PLN: variants seen among roughly 807,000 people sequenced by gnomAD.
The protein encoded by PLN is phospholamban, also known as cardiac phospholamban.
A neutral mutation model predicts 3.9 loss-of-function variants in PLN; 1 was observed. The ratio of observed to expected loss-of-function variants is 0.26; its 90% CI spans 0.09 to 1.23. PLN has a LOEUF of 1.23. PLN is among the 50% of genes most tolerant of loss of function. The pLI, the probability that PLN is intolerant of heterozygous loss-of-function variation, is 0.48. For synonymous variants in PLN, 21 were observed against 20.5 expected, an observed-to-expected ratio of 1.02 and a Z score of -0.07; for missense variants, 59 against 62.7, an observed-to-expected ratio of 0.94 and a Z score of 0.20.
chr6:118,555,070 C>G (rs1342010438), intron 1 of PLN, among the ~76,000 whole-genome samples: 1 of 152,136 alleles, frequency 6.6e-6, no homozygotes, highest in African/African-American at 2.4e-5. Context: ...ACCATATGTT[C>G]AAATAGGAAT....
intron 1 of PLN, among the ~76,000 whole-genome samples, chr6:118,555,572 G>A (rs1778812557): frequency 6.6e-6 from 1 of 151,626 alleles, no homozygotes; most frequent in South Asian, 2.1e-4. Context: ...AAGAACAAAA[G>A]AAAATCTATT....
rs1779085650 is a variant in PLN, at chr6:118,559,210, A to G, written c.*130A>G. 6 of 792,854 alleles carry G rather than the reference A, an allele frequency of 7.6e-6. No individual in the cohort carries two copies. Among genetic ancestry groups the G allele is most frequent in the Non-Finnish European group, 1.2e-5 (5 of 434,530 alleles). 49.1% of individuals were successfully genotyped at this position (792,854 alleles called of 1,614,324 possible). A position where few individuals can be genotyped will look rare whatever the true frequency, so the allele number is the denominator to read the frequency against. ...AGAAGAGTTTCTTTGTGAAAAGGTC[A>G]AGATTAAGACTAAAACTTATTGTTA... On this transcript the variant is annotated 3_prime_UTR_variant, in exon 2 of 2. Transcript: ENST00000357525.
chr6:118,557,895 G>A (rs554711272), intron 1 of PLN, among the ~76,000 whole-genome samples: 19 of 151,374 alleles, frequency 1.3e-4, no homozygotes, highest in African/African-American at 3.4e-4. Flanking sequence ...ATGATTCCAT[G>A]TTTTTAATAG....
chr6:118,554,624 T>C (rs1219523446), intron 1 of PLN, among the ~76,000 whole-genome samples: 1 of 152,190 alleles, frequency 6.6e-6, no homozygotes, highest in East Asian at 1.9e-4. Flanking sequence ...AACATGTAAA[T>C]TGAAATTGTG....
rs552796643 is a variant in PLN at position 118,554,377 on chromosome 6, G to C, written c.-97-4448G>C. ...GCCCAAGCTGGTCTCGAACTCCTGG[G>C]CTCAAACATTCGTCCCGCCTAGGCC... is the stretch of plus-strand genomic sequence containing the variant. On this transcript the variant is annotated intron_variant, in intron 1 of 1. Transcript: ENST00000357525. Among the ~76,000 whole-genome samples the C allele has an allele frequency of 2.0e-5, 3 of 152,184 alleles. No individual in the cohort carries two copies. The South Asian group carries it at 6.2e-4, about 32-fold the overall frequency.
At chr6:118,551,440 T>TC (rs1778538888) in intron 1 of PLN, among the ~76,000 whole-genome samples, 1 of 151,770 alleles carries the variant, frequency 6.6e-6, no homozygotes, top group South Asian at 2.1e-4. Context: ...CATATTCTCT[T>TC]CCCCCAGAAA....
chr6:118,555,482 C>A (rs1778806994), intron 1 of PLN, among the ~76,000 whole-genome samples: 1 of 150,358 alleles, frequency 6.7e-6, no homozygotes, highest in Non-Finnish European at 1.5e-5. Flanking sequence ...CCATAATTTT[C>A]CAATCCACTA....
intron 1 of PLN, among the ~76,000 whole-genome samples, chr6:118,552,151 C>G (rs1159189244): frequency 1.3e-5 from 2 of 151,780 alleles, no homozygotes; most frequent in African/African-American, 2.4e-5. Context: ...TACTTGAATT[C>G]AATTTAATAA....
chr6:118,556,457 C>A (rs1778882434), intron 1 of PLN, among the ~76,000 whole-genome samples: 1 of 152,148 alleles, frequency 6.6e-6, no homozygotes, highest in Non-Finnish European at 1.5e-5. Flanking sequence ...CCAAGTTGAA[C>A]ACTACAGAAT....
At chr6:118,548,434 T>C (rs954585334) in intron 1 of PLN, 42 bp downstream of exon 1, 1 of 152,146 alleles carries the variant, frequency 6.6e-6, no homozygotes, top group Non-Finnish European at 1.5e-5. Context: ...TCTTACTTTC[T>C]ATAATTCTTA....
At chr6:118,555,127 A>G (rs1414552706) in intron 1 of PLN, among the ~76,000 whole-genome samples, 6 of 152,166 alleles carry the variant, frequency 3.9e-5, no homozygotes, top group Non-Finnish European at 5.9e-5. Context: ...TCTGCTACAC[A>G]TCTTCATAAA....
rs1207599027 is a variant in PLN, at chr6:118,558,843, G to C, written c.-79G>C. 3 of 961,756 alleles carry C rather than the reference G, an allele frequency of 3.1e-6. No homozygotes were observed. Among genetic ancestry groups the C allele is most frequent in the Admixed American group, 1.8e-5 (1 of 56,086 alleles). The allele number at this position is 961,756 out of a possible 1,614,324, so 59.6% of individuals were successfully genotyped here. ...ATTCCAGGCTACCTAAAAGAAGACA[G>C]TTATCTCATATTTGGCTGCCAGCTT... On this transcript the variant is annotated 5_prime_UTR_variant, in exon 2 of 2. Coordinates refer to ENST00000357525, the MANE Select transcript of PLN (RefSeq NM_002667.5).
At chr6:118,548,531 A>G (rs980738762) in intron 1 of PLN, 139 bp downstream of exon 1, 2 of 152,136 alleles carry the variant, frequency 1.3e-5, no homozygotes, top group African/African-American at 4.8e-5. Context: ...ATGACATGAC[A>G]AAGTGCTTAA....
At chr6:118,555,155 G>A (rs575111194) in intron 1 of PLN, among the ~76,000 whole-genome samples, 3 of 152,312 alleles carry the variant, frequency 2.0e-5, no homozygotes, top group African/African-American at 7.2e-5. Flanking sequence ...TACTCGGCCA[G>A]GTGCAGTGGC....
rs1470410352 is a variant in PLN at position 118,558,800 on chromosome 6, T to C, written c.-97-25T>C. 5.4e-6 allele frequency: 4 copies of C among 734,402 alleles called. No individual in the cohort carries two copies. In the Admixed American group the frequency reaches 8.1e-5, roughly 15 times the overall value. 45.5% of individuals were successfully genotyped at this position (734,402 alleles called of 1,614,324 possible). On this transcript the variant is annotated intron_variant, in intron 1 of 1. Transcript: ENST00000357525. ...GGATAGGTTACATAGATGATTCTAA[T>C]CCATTTATTATTTTTACATTCCAGG... is the stretch of plus-strand genomic sequence containing the variant.
chr6:118,559,324 T>C lies in PLN; in HGVS notation c.*244T>C, dbSNP rs1197501649. The C allele has an allele frequency of 2.1e-6, 1 of 486,346 alleles. No individual in the cohort carries two copies. The highest frequency in any genetic ancestry group is 3.9e-6 in the Non-Finnish European group (1 of 258,310). 30.1% of individuals were successfully genotyped at this position (486,346 alleles called of 1,614,324 possible). A position where few individuals can be genotyped will look rare whatever the true frequency, so the allele number is the denominator to read the frequency against. ...TCAAAATAAGTGTATAAAATGCAAC[T>C]GTTGATTTCCTCAACATGGCTCACA... On this transcript the variant is annotated 3_prime_UTR_variant, in exon 2 of 2. Coordinates refer to ENST00000357525, the MANE Select transcript of PLN (RefSeq NM_002667.5).
Position 118,561,558 on chromosome 6 carries a change from T to C in PLN, c.*2478T>C, listed in dbSNP as rs895644182. ...ATTTAATATACTAAATGCTCAAATA[T>C]GTTCTACTATAGAATAAGTTCTTAT... On this transcript the variant is annotated 3_prime_UTR_variant, in exon 2 of 2. Coordinates refer to ENST00000357525, the MANE Select transcript of PLN (RefSeq NM_002667.5). 6.6e-6 allele frequency among the ~76,000 whole-genome samples: 1 copy of C among 152,110 alleles called. No individual in the cohort carries two copies. Among genetic ancestry groups the C allele is most frequent in the African/African-American group, 2.4e-5 (1 of 41,448 alleles).
At chr6:118,555,063 A>G (rs1194905534) in intron 1 of PLN, among the ~76,000 whole-genome samples, 4 of 152,184 alleles carry the variant, frequency 2.6e-5, no homozygotes, top group Admixed American at 6.5e-5. Flanking sequence ...TCACAAAACC[A>G]TATGTTCAAA....
In PLN at chr6:118,559,319, G is replaced by T; in HGVS notation, c.*239G>T. 2.0e-6 allele frequency: 1 copy of T among 496,376 alleles called. No individual in the cohort carries two copies. The highest frequency in any genetic ancestry group is 1.9e-5 in the African/African-American group (1 of 51,400). 30.7% of individuals were successfully genotyped at this position (496,376 alleles called of 1,614,324 possible). ...TAACTTCAAAATAAGTGTATAAAAT[G>T]CAACTGTTGATTTCCTCAACATGGC... On this transcript the variant is annotated 3_prime_UTR_variant, in exon 2 of 2. Coordinates refer to ENST00000357525, the MANE Select transcript of PLN (RefSeq NM_002667.5).
Sources: gnomAD v4.1 joint callset for allele counts (sites outside exome capture counted in the v4.1 genomes callset) on GRCh38, gnomAD v4.1.1 for gene constraint, MANE v1.5 for transcripts, NCBI Gene and HGNC (gene_info 2026-07-23, HGNC 2026-07-21) for gene names.